The following VARS2 variants were observed in gnomAD, a reference collection of about 807,000 sequenced individuals.
VARS2 encodes valyl-tRNA synthetase 2, mitochondrial.
A neutral mutation model predicts 154.1 loss-of-function variants in VARS2; 105 were observed. The observed-to-expected ratio is 0.68, with a 90% CI of 0.58 to 0.80. The LOEUF is 0.80. Among genes scored for constraint, VARS2 ranks in the 30% least tolerant of loss-of-function variants. The pLI, the probability that VARS2 is intolerant of heterozygous loss-of-function variation, is 0.00. For synonymous variants in VARS2, 483 were observed against 539.5 expected, an observed-to-expected ratio of 0.90 and a Z score of 1.45; for missense variants, 1,157 against 1,361.4, an observed-to-expected ratio of 0.85 and a Z score of 2.36.
chr6:30,917,429 G>T lies in VARS2; in HGVS notation c.873+205G>T, dbSNP rs999278899. Among the ~76,000 whole-genome samples the T allele has an allele frequency of 2.0e-5, 3 of 152,242 alleles. No homozygotes were observed. Among genetic ancestry groups the T allele is most frequent in the Admixed American group, 6.5e-5 (1 of 15,284 alleles). Reference sequence around the variant, plus strand: ...TTAGAGATGATGGAATGCTTGCATCGTGGGGGTGTTGTAAAAATTAAATGA... The same window carrying T: ...TTAGAGATGATGGAATGCTTGCATCTTGGGGGTGTTGTAAAAATTAAATGA... On this transcript the variant is annotated intron_variant, in intron 9 of 29. Coordinates refer to ENST00000676266, the MANE Select transcript of VARS2 (RefSeq NM_020442.6). This position sits in a 1 kb window ranked among gnomAD's most constrained non-coding sequence, Gnocchi z 4.4.
rs751330210 is a variant in VARS2 at position 30,923,455 on chromosome 6, A to T, written c.2416A>T (p.Thr806Ser). The change falls in exon 25 of 30, where the codon ACT (threonine) becomes TCT (serine). Residue 806 changes from threonine (T) to serine (S), a missense_variant. By Grantham distance (58) the Thr-to-Ser change is moderately conservative. Coordinates refer to ENST00000676266, the MANE Select transcript of VARS2 (RefSeq NM_020442.6). ...CCTCACCCGAGAGCTCTCGCTCGTC[A>T]CTCATGCCCTGCACCACTTCTGGCT... ...GFLTRELSLV[T>S]HALHHFWLHN... The T allele has an allele frequency of 6.2e-6, 10 of 1,611,980 alleles. No homozygotes were observed. The highest frequency in any genetic ancestry group is 8.5e-6 in the Non-Finnish European group (10 of 1,179,994).
chr6:30,916,427 G>A lies in VARS2; in HGVS notation c.671+178G>A, dbSNP rs867263737. 3.6e-6 allele frequency: 2 copies of A among 561,182 alleles called. No individual in the cohort carries two copies. The highest frequency in any genetic ancestry group is 6.3e-6 in the Non-Finnish European group (2 of 319,254). 34.8% of individuals were successfully genotyped at this position (561,182 alleles called of 1,614,324 possible). ...TGGAGTTTCTAAGCCTTATGTGTGT[G>A]GATATTATATATGCATTAGAATATT... is the stretch of plus-strand genomic sequence containing the variant. On this transcript the variant is annotated intron_variant, in intron 7 of 29. Coordinates refer to ENST00000676266, the MANE Select transcript of VARS2 (RefSeq NM_020442.6). The surrounding 1 kb of genome is among the most constrained non-coding windows in gnomAD (Gnocchi z 4.0).
chr6:30,920,861 G>A lies in VARS2; in HGVS notation c.1479+112G>A. ...TCCTGCCCTGAAGACCTCTCCAGCTGTGGTAACTGAGAGGATGTGTGGGAT... is the reference window on the plus strand; with the variant it reads ...TCCTGCCCTGAAGACCTCTCCAGCTATGGTAACTGAGAGGATGTGTGGGAT... On this transcript the variant is annotated intron_variant, in intron 15 of 29. Transcript: ENST00000676266. This position sits in a 1 kb window ranked among gnomAD's most constrained non-coding sequence, Gnocchi z 4.6. 2 of 1,121,978 alleles carry A rather than the reference G, an allele frequency of 1.8e-6. No homozygotes were observed. The highest frequency in any genetic ancestry group is 2.5e-6 in the Non-Finnish European group (2 of 799,862). 69.5% of individuals were successfully genotyped at this position (1,121,978 alleles called of 1,614,324 possible).
At position 30,926,019 on chromosome 6, in the gene VARS2, G is replaced by A. The variant is rs2150571854; in HGVS notation, c.3090+11G>A. On this transcript the variant is annotated intron_variant, in intron 29 of 29. Coordinates refer to ENST00000676266, the MANE Select transcript of VARS2 (RefSeq NM_020442.6). The stretch of plus-strand genomic sequence containing the variant: ...CAGAGGCAACAAAAGGTAAGGCTGA[G>A]GGAGGCCCCCAGAAGGCTCCACCCC... The A allele has an allele frequency of 6.2e-7, 1 of 1,613,108 alleles. No individual in the cohort carries two copies. Among genetic ancestry groups the A allele is most frequent in the Non-Finnish European group, 8.5e-7 (1 of 1,180,018 alleles).
In VARS2 at chr6:30,920,566, T is replaced by C; in HGVS notation, c.1398-102T>C. 2 of 1,353,924 alleles carry C rather than the reference T, an allele frequency of 1.5e-6. No homozygotes were observed. Among genetic ancestry groups the C allele is most frequent in the Non-Finnish European group, 2.0e-6 (2 of 999,740 alleles). The allele number at this position is 1,353,924 out of a possible 1,614,324, so 83.9% of individuals were successfully genotyped here. A position where few individuals can be genotyped will look rare whatever the true frequency, so the allele number is the denominator to read the frequency against. ...GCTCCGTGTCGGTTTTATTCGCTAT[T>C]GTATCCTCAGTACCAAGGGCCTGGC... On this transcript the variant is annotated intron_variant, in intron 14 of 29. Transcript: ENST00000676266. This position sits in a 1 kb window ranked among gnomAD's most constrained non-coding sequence, Gnocchi z 4.6.
At position 30,921,213 on chromosome 6, in the gene VARS2, G is replaced by T; in HGVS notation, c.1557-17G>T. On this transcript the variant is annotated splice_polypyrimidine_tract_variant and intron_variant, in intron 16 of 29. Transcript: ENST00000676266. The surrounding 1 kb of genome is among the most constrained non-coding windows in gnomAD (Gnocchi z 4.6). ...CTGACTGGTTATTCTAAGACTTCACGAATGTCCTCCCGGCAGGGACTGGTG... is the reference window on the plus strand; with the variant it reads ...CTGACTGGTTATTCTAAGACTTCACTAATGTCCTCCCGGCAGGGACTGGTG... 6 of 1,614,084 alleles carry T rather than the reference G, an allele frequency of 3.7e-6. No individual in the cohort carries two copies. The highest frequency in any genetic ancestry group is 5.1e-6 in the Non-Finnish European group (6 of 1,179,992).
In VARS2 at chr6:30,926,110, T is replaced by G. The variant is rs201946203; in HGVS notation, c.3092T>G (p.Leu1031Arg). The G allele has an allele frequency of 8.4e-5, 135 of 1,612,944 alleles. No homozygotes were observed. Among genetic ancestry groups the G allele is most frequent in the Non-Finnish European group, 1.1e-4 (127 of 1,180,026 alleles). ...GEAGTQRQQK[L>R]SSLQLELSKL... ...TCACCTCCTTTTCTCCTCGTCCAGC[T>G]TTCTTCCCTCCAGCTGGAATTGTCA... Residue 1031 changes from leucine (L) to arginine (R), a missense_variant and splice_region_variant, in exon 30 of 30, where the codon CTT (leucine) becomes CGT (arginine). Leu to Arg is a moderately radical substitution (Grantham distance 102). Transcript: ENST00000676266.
Position 30,914,350 on chromosome 6 carries a change from C to G in VARS2, c.-28+6C>G, listed in dbSNP as rs973801442. On this transcript the variant is annotated splice_donor_region_variant and intron_variant, in intron 1 of 29. Transcript: ENST00000676266. ...GATAGCGGCGGGGCCTCCTGGTGAGCGCGCGCCGGGGCGGCCTCCGGGAAG... is the reference window on the plus strand; with the variant it reads ...GATAGCGGCGGGGCCTCCTGGTGAGGGCGCGCCGGGGCGGCCTCCGGGAAG... 5 of 1,238,842 alleles carry G rather than the reference C, an allele frequency of 4.0e-6. No individual in the cohort carries two copies. The highest frequency in any genetic ancestry group is 5.0e-6 in the Non-Finnish European group (5 of 990,344). 76.7% of individuals were successfully genotyped at this position (1,238,842 alleles called of 1,614,324 possible).
Position 30,921,244 on chromosome 6 carries a change from C to T in VARS2, c.1571C>T (p.Ser524Phe), listed in dbSNP as rs773371829. The change falls in exon 17 of 30, where the codon TCC (serine) becomes TTC (phenylalanine). Residue 524 changes from serine to phenylalanine, a missense_variant. By Grantham distance (155) the Ser-to-Phe change is radical (BLOSUM62 -2). Coordinates refer to ENST00000676266, the MANE Select transcript of VARS2 (RefSeq NM_020442.6). The surrounding 1 kb of genome is among the most constrained non-coding windows in gnomAD (Gnocchi z 4.6). ...CCTCCCGGCAGGGACTGGTGTGTCT[C>T]CCGGCAGCTGTGGTGGGGCCATCAG... is the stretch of plus-strand genomic sequence containing the variant. ...WFSHIGDWCVSRQLWWGHQIP... is the reference protein window; with the variant it reads ...WFSHIGDWCVFRQLWWGHQIP... 4 of 1,614,082 alleles carry T rather than the reference C, an allele frequency of 2.5e-6. No homozygotes were observed. Among genetic ancestry groups the T allele is most frequent in the East Asian group, 2.2e-5 (1 of 44,868 alleles).
chr6:30,921,478 C>G lies in VARS2; in HGVS notation c.1633-111C>G. On this transcript the variant is annotated intron_variant, in intron 17 of 29. Transcript: ENST00000676266. The surrounding 1 kb of genome is among the most constrained non-coding windows in gnomAD (Gnocchi z 4.6). Reference sequence around the variant, plus strand: ...TGAAGTGGCATTTCTTTATCTCACCCCTGGGGGAACCTGGCCACTCTAAGA... The same window carrying G: ...TGAAGTGGCATTTCTTTATCTCACCGCTGGGGGAACCTGGCCACTCTAAGA... 2 of 1,432,798 alleles carry G rather than the reference C, an allele frequency of 1.4e-6. No homozygotes were observed. Among genetic ancestry groups the G allele is most frequent in the South Asian group, 1.2e-5 (1 of 81,758 alleles). 88.8% of individuals were successfully genotyped at this position (1,432,798 alleles called of 1,614,324 possible).
chr6:30,914,458 GC>G, intron 1 of VARS2, 114 bp downstream of exon 1: 1 of 1,301,610 alleles, frequency 7.7e-7, no homozygotes, highest in Admixed American at 3.8e-5. Flanking sequence ...ACTGCAGGAG[GC>G]CCCTGTGCAG....
Position 30,921,039 on chromosome 6 carries a change from T to C in VARS2, c.1480-26T>C, listed in dbSNP as rs767781090. 1 of 1,594,872 alleles carries C rather than the reference T, an allele frequency of 6.3e-7. No homozygotes were observed. Among genetic ancestry groups the C allele is most frequent in the South Asian group, 1.1e-5 (1 of 87,534 alleles). On this transcript the variant is annotated intron_variant, in intron 15 of 29. Transcript: ENST00000676266. The surrounding 1 kb of genome is among the most constrained non-coding windows in gnomAD (Gnocchi z 4.6). ...GTGCGGCCGTGCAGGAAGGGCAACA[T>C]TGTCTAAAGTCCCCTTTCTCTCCAG... is the stretch of plus-strand genomic sequence containing the variant.
Position 30,922,287 on chromosome 6 carries a change from C to G in VARS2, c.1932+46C>G, listed in dbSNP as rs1342340533. 2.5e-6 allele frequency: 4 copies of G among 1,597,220 alleles called. No homozygotes were observed. In the African/African-American group the frequency reaches 5.4e-5, roughly 22 times the overall value. ...TGCCGCTTTCTGTGACTCCAGTGTT[C>G]CCCAAACCTTGTCCTCCCTTCTAAC... On this transcript the variant is annotated intron_variant, in intron 20 of 29. Transcript: ENST00000676266.
chr6:30,918,655 C>T (rs924624208), intron 10 of VARS2, 172 bp from the exon 11 acceptor site: 1 of 567,198 alleles, frequency 1.8e-6, no homozygotes, highest in Non-Finnish European at 3.2e-6. Context: ...TTATGGGAAA[C>T]CCTGGGTTCC....
intron 25 of VARS2, 176 bp from the exon 26 acceptor site, chr6:30,924,178 C>T: frequency 1.6e-6 from 1 of 629,250 alleles, no homozygotes; most frequent in Non-Finnish European, 2.9e-6. Flanking sequence ...GTCCTGGAGT[C>T]CCCTTCTTTG....
In VARS2 at chr6:30,922,763, G is replaced by A; in HGVS notation, c.2095G>A (p.Ala699Thr). Residue 699 changes from alanine (A) to threonine (T), a missense_variant, in exon 22 of 30, where the codon GCT becomes ACT. Coordinates refer to ENST00000676266, the MANE Select transcript of VARS2 (RefSeq NM_020442.6). ...NLDPAELAIV[A>T]AAQKKDFPHG... Reference sequence around the variant, plus strand: ...GGACCCTGCAGAGCTGGCCATTGTGGCTGCAGCACAGGTGAGTCATCGCTG... The same window carrying A: ...GGACCCTGCAGAGCTGGCCATTGTGACTGCAGCACAGGTGAGTCATCGCTG... The A allele has an allele frequency of 1.9e-6, 3 of 1,611,606 alleles. No homozygotes were observed. The highest frequency in any genetic ancestry group is 2.7e-5 in the African/African-American group (2 of 75,022).
In VARS2 at chr6:30,920,509, G is replaced by A; in HGVS notation, c.1397+73G>A. 6.9e-7 allele frequency: 1 copy of A among 1,459,106 alleles called. No individual in the cohort carries two copies. The highest frequency in any genetic ancestry group is 9.3e-7 in the Non-Finnish European group (1 of 1,080,662). 90.4% of individuals were successfully genotyped at this position (1,459,106 alleles called of 1,614,324 possible). Reference sequence around the variant, plus strand: ...GTATGGAGCTTAAGGGTGACAATAGGATGGGCTCTGCACCCCTCCGTTAGA... The same window carrying A: ...GTATGGAGCTTAAGGGTGACAATAGAATGGGCTCTGCACCCCTCCGTTAGA... On this transcript the variant is annotated intron_variant, in intron 14 of 29. Coordinates refer to ENST00000676266, the MANE Select transcript of VARS2 (RefSeq NM_020442.6). The surrounding 1 kb of genome is among the most constrained non-coding windows in gnomAD (Gnocchi z 4.6).
In VARS2 at chr6:30,922,138, AC is replaced by A. The variant is rs771252187; in HGVS notation, c.1834del (p.Leu612CysfsTer48). On this transcript the variant is annotated frameshift_variant, in exon 20 of 30. Transcript: ENST00000676266. LOFTEE classifies it high-confidence loss of function. ...TAGACCCCAGACCTTGCTCGTTTCT[AC>A]CCCCTGTCACTTTTGGAAACGGGCA... ...PQETPDLARF[Y>X]PLSLLETGSD... 2 of 1,609,602 alleles carry A rather than the reference AC, an allele frequency of 1.2e-6. No homozygotes were observed. Among genetic ancestry groups the A allele is most frequent in the African/African-American group, 2.7e-5 (2 of 73,624 alleles).
At position 30,921,905 on chromosome 6, in the gene VARS2, A is replaced by C; in HGVS notation, c.1736-20A>C. ...AGAAGCCAAGGTTCCAACTGTCCCC[A>C]TTCTTTTTCTGTTTCCCAGATCCTG... On this transcript the variant is annotated intron_variant, in intron 18 of 29. Transcript: ENST00000676266. The surrounding 1 kb of genome is among the most constrained non-coding windows in gnomAD (Gnocchi z 4.6). The C allele has an allele frequency of 9.3e-6, 15 of 1,612,882 alleles. No individual in the cohort carries two copies. Among genetic ancestry groups the C allele is most frequent in the Non-Finnish European group, 1.3e-5 (15 of 1,179,930 alleles).
Sources: gnomAD v4.1 joint callset for allele counts (sites outside exome capture counted in the v4.1 genomes callset) on GRCh38, gnomAD v4.1.1 for gene constraint, Gnocchi (gnomAD v3.1) non-coding constraint, MANE v1.5 for transcripts, NCBI Gene and HGNC (gene_info 2026-07-23, HGNC 2026-07-21) for gene names.